The following PIK3R3 variants were observed in gnomAD, a reference collection of about 807,000 sequenced individuals.
PIK3R3 encodes the protein phosphatidylinositol 3-kinase regulatory subunit gamma.
PIK3R3 carries 64 observed loss-of-function variants against 62.9 expected under a neutral mutation model. The observed-to-expected ratio is 1.02, with a 90% confidence interval of 0.83 to 1.25. PIK3R3 has a LOEUF of 1.25. PIK3R3 is among the 50% of genes most tolerant of loss of function. PIK3R3 has a pLI of 0.00. For synonymous variants in PIK3R3, 165 were observed against 189.0 expected, an observed-to-expected ratio of 0.87 and a Z score of 1.04; for missense variants, 614 against 561.6, an observed-to-expected ratio of 1.09 and a Z score of -0.94.
intron 7 of PIK3R3, among the ~76,000 whole-genome samples, chr1:46,052,897 A>G (rs2149381408): frequency 6.6e-6 from 1 of 152,324 alleles, no homozygotes; most frequent in East Asian, 1.9e-4. Flanking sequence ...GACAGTCTTT[A>G]GGTAGGTATC....
At position 46,043,569 on chromosome 1, in the gene PIK3R3, C is replaced by A. The variant is rs1461899002; in HGVS notation, c.*104G>T. The A allele has an allele frequency of 1.9e-6, 2 of 1,034,124 alleles. No homozygotes were observed. Among genetic ancestry groups the A allele is most frequent in the African/African-American group, 1.6e-5 (1 of 63,280 alleles). The allele number at this position is 1,034,124 out of a possible 1,614,324, so 64.1% of individuals were successfully genotyped here. On this transcript the variant is annotated 3_prime_UTR_variant, in exon 10 of 10. Coordinates refer to ENST00000262741, the MANE Select transcript of PIK3R3 (RefSeq NM_003629.4). ...CCACTTCACATTCACAAAATCACTT[C>A]TTGTGCAAAACAAGCAGTCTATGTA...
At chr1:46,085,732 A>C (rs1407682723) in intron 1 of PIK3R3, among the ~76,000 whole-genome samples, 1 of 152,260 alleles carries the variant, frequency 6.6e-6, no homozygotes, top group Non-Finnish European at 1.5e-5. Flanking sequence ...CAACTCCTTG[A>C]CAAAGTAGTT....
chr1:46,084,757 C>A (rs573794844), intron 1 of PIK3R3, among the ~76,000 whole-genome samples: 1 of 152,242 alleles, frequency 6.6e-6, no homozygotes, highest in Non-Finnish European at 1.5e-5. Context: ...AACTATAATA[C>A]TCATCAGAAT....
intron 1 of PIK3R3, among the ~76,000 whole-genome samples, chr1:46,086,027 A>C (rs1002460477): frequency 6.6e-6 from 1 of 152,156 alleles, no homozygotes; most frequent in Non-Finnish European, 1.5e-5. Context: ...TGCATGGGCC[A>C]CTCACGCCTG....
At chr1:46,127,794 C>T (rs893883808) in intron 1 of PIK3R3, among the ~76,000 whole-genome samples, 2 of 152,320 alleles carry the variant, frequency 1.3e-5, no homozygotes, top group East Asian at 3.9e-4. Flanking sequence ...CTCCTGGCCT[C>T]AAACGATCCT....
intron 1 of PIK3R3, among the ~76,000 whole-genome samples, chr1:46,128,556 G>A (rs1486547983): frequency 1.3e-5 from 2 of 152,196 alleles, no homozygotes; most frequent in Admixed American, 1.3e-4. Flanking sequence ...CAATAGCCAA[G>A]CAATGAGTTG....
intron 1 of PIK3R3, among the ~76,000 whole-genome samples, chr1:46,091,520 T>C (rs1047506115): frequency 5.3e-5 from 8 of 151,916 alleles, no homozygotes; most frequent in African/African-American, 1.9e-4. Flanking sequence ...AAAGAGACCA[T>C]TTGTGGCCTG....
intron 1 of PIK3R3, among the ~76,000 whole-genome samples, chr1:46,086,136 T>C (rs145595188): frequency 3.3e-5 from 5 of 152,324 alleles, no homozygotes; most frequent in East Asian, 3.9e-4. Flanking sequence ...TAGAGACATA[T>C]AGATGTTTTA....
At chr1:46,145,366 C>CT in the PIK3R3 span, among the ~76,000 whole-genome samples, 13 of 47,612 alleles carry the variant, frequency 2.7e-4, no homozygotes, top group East Asian at 1.1e-3. Flanking sequence ...GGCTGGATAA[C>CT]TTTTTAAAAA....
chr1:46,054,894 A>G (rs1647726234), intron 7 of PIK3R3, among the ~76,000 whole-genome samples: 1 of 152,134 alleles, frequency 6.6e-6, no homozygotes, highest in Non-Finnish European at 1.5e-5. Context: ...TTATTTAAAT[A>G]AAGAATGTCA....
At chr1:46,061,012 TTC>T (rs1281401902) in intron 6 of PIK3R3, among the ~76,000 whole-genome samples, 1 of 152,178 alleles carries the variant, frequency 6.6e-6, no homozygotes, top group Non-Finnish European at 1.5e-5. Flanking sequence ...GCCACATCCT[TTC>T]TGTGTAATTT....
the PIK3R3 span, among the ~76,000 whole-genome samples, chr1:46,150,109 C>A: frequency 1.3e-5 from 2 of 152,230 alleles, no homozygotes; most frequent in African/African-American, 2.4e-5. Context: ...ATCAGAACCC[C>A]TTTCTGGTAA....
At chr1:46,060,992 T>C (rs1648428340) in intron 6 of PIK3R3, among the ~76,000 whole-genome samples, 1 of 152,242 alleles carries the variant, frequency 6.6e-6, no homozygotes, top group Non-Finnish European at 1.5e-5. Context: ...TCAAATCCAT[T>C]ACTTCTCCTG....
At chr1:46,155,911 G>A in the PIK3R3 span, among the ~76,000 whole-genome samples, 1 of 152,100 alleles carries the variant, frequency 6.6e-6, no homozygotes, top group Non-Finnish European at 1.5e-5. Flanking sequence ...TTTACGTATT[G>A]TCTGTGGAGG....
intron 4 of PIK3R3, 102 bp from the exon 5 acceptor site, chr1:46,066,281 T>C: frequency 1.3e-6 from 1 of 756,054 alleles, no homozygotes; most frequent in Non-Finnish European, 2.1e-6. Context: ...ACCTCAACCA[T>C]CTATTAAACT....
At chr1:46,111,661 A>T (rs1653754210) in intron 1 of PIK3R3, among the ~76,000 whole-genome samples, 1 of 151,862 alleles carries the variant, frequency 6.6e-6, no homozygotes, top group South Asian at 2.1e-4. Flanking sequence ...AGAGGCAGAG[A>T]TTGCAGTGAG....
rs1373426372 is a variant in PIK3R3, at chr1:46,044,152, T to C, written c.1188-281A>G. Among the ~76,000 whole-genome samples, 3 of 151,988 alleles carry C rather than the reference T, an allele frequency of 2.0e-5. No individual in the cohort carries two copies. Among genetic ancestry groups the C allele is most frequent in the African/African-American group, 7.2e-5 (3 of 41,386 alleles). ...GTACAGTGGCTTGATTACAGCTCAC[T>C]GCAGCCTTGAACTCCTGGGCTCAAG... On this transcript the variant is annotated intron_variant, in intron 9 of 9. Transcript: ENST00000262741. The surrounding 1 kb of genome is among the most constrained non-coding windows in gnomAD (Gnocchi z 4.2).
intron 4 of PIK3R3, among the ~76,000 whole-genome samples, chr1:46,066,563 T>C (rs957215030): frequency 2.6e-5 from 4 of 152,194 alleles, no homozygotes; most frequent in African/African-American, 9.7e-5. Flanking sequence ...CTCATGCCTA[T>C]AATCCCAACA....
At chr1:46,118,747 G>C (rs922099424) in intron 1 of PIK3R3, among the ~76,000 whole-genome samples, 4 of 151,680 alleles carry the variant, frequency 2.6e-5, no homozygotes, top group Non-Finnish European at 4.4e-5. Flanking sequence ...GTAGAGACAG[G>C]GTTTTGTCAT....
Sources: allele counts gnomAD v4.1 joint callset (sites outside exome capture counted in the v4.1 genomes callset), GRCh38; gene constraint gnomAD v4.1.1; non-coding constraint Gnocchi (gnomAD v3.1); transcripts MANE v1.5; gene names NCBI Gene and HGNC (gene_info 2026-07-23, HGNC 2026-07-21).